ADAMTS17: variants seen among roughly 807,000 people sequenced by gnomAD.
ADAMTS17 encodes the protein A disintegrin and metalloproteinase with thrombospondin motifs 17.
ADAMTS17 carries 113 observed loss-of-function variants against 141.5 expected under a neutral mutation model. The observed-to-expected ratio is 0.80, with a 90% CI of 0.69 to 0.93. The LOEUF (loss-of-function observed/expected upper bound fraction) is 0.93, where lower values mean the gene tolerates loss of function less well. Ranked by LOEUF, ADAMTS17 falls within the 40% of genes least tolerant of loss-of-function variation. The pLI is 0.00. For missense variants in ADAMTS17, 1,659 were observed against 1,517.9 expected, an observed-to-expected ratio of 1.09 and a Z score of -1.54; for synonymous variants, 768 against 630.6, an observed-to-expected ratio of 1.22 and a Z score of -3.27.
intron 4 of ADAMTS17, among the ~76,000 whole-genome samples, chr15:100,280,768 T>C (rs2044252212): frequency 6.6e-6 from 1 of 152,188 alleles, no homozygotes; most frequent in African/African-American, 2.4e-5. Context: ...AAATCGGACA[T>C]AGACAGACGT....
chr15:100,280,881 A>G (rs2044257546), intron 4 of ADAMTS17, among the ~76,000 whole-genome samples: 2 of 152,112 alleles, frequency 1.3e-5, no homozygotes, highest in South Asian at 4.1e-4. Flanking sequence ...TCCCCCCGCT[A>G]GACTATGGAC....
At chr15:100,207,555 T>G (rs1472461700) in intron 7 of ADAMTS17, among the ~76,000 whole-genome samples, 1 of 152,198 alleles carries the variant, frequency 6.6e-6, no homozygotes, top group Non-Finnish European at 1.5e-5. Flanking sequence ...GGCCTTGATG[T>G]TCACGACATG....
At position 100,332,511 on chromosome 15, in the gene ADAMTS17, C is replaced by G. The variant is rs537911732; in HGVS notation, c.451-1457G>C. Among the ~76,000 whole-genome samples, 192 of 152,368 alleles carry G rather than the reference C, an allele frequency of 1.3e-3. 1 individual carries two copies. Among genetic ancestry groups the G allele is most frequent in the Non-Finnish European group, 2.1e-3 (141 of 68,036 alleles). On this transcript the variant is annotated intron_variant, in intron 2 of 21. Coordinates refer to ENST00000268070, the MANE Select transcript of ADAMTS17 (RefSeq NM_139057.4). ...CTGCACTCATTTGGAAACACCCTGG[C>G]TGTGGGTCAAAGCCCCCCCAGGATC...
intron 3 of ADAMTS17, among the ~76,000 whole-genome samples, chr15:100,313,571 A>C (rs568423313): frequency 1.3e-5 from 2 of 152,318 alleles, no homozygotes; most frequent in East Asian, 3.9e-4. Flanking sequence ...GTAAAATAAG[A>C]ATCTACAACT....
intron 15 of ADAMTS17, among the ~76,000 whole-genome samples, chr15:100,069,386 C>T (rs4261519): frequency 0.067 from 10,209 of 152,172 alleles, 478 homozygotes; most frequent in South Asian, 0.12. Context: ...TCAGGAAATA[C>T]AGAGAAATCC....
chr15:100,159,730 T>A (rs561347786), intron 8 of ADAMTS17, among the ~76,000 whole-genome samples: 1 of 152,334 alleles, frequency 6.6e-6, no homozygotes, highest in African/African-American at 2.4e-5. Flanking sequence ...TGTCTCTTCA[T>A]AAGGGTCACA....
chr15:100,052,235 C>G (rs1567091357), intron 16 of ADAMTS17, among the ~76,000 whole-genome samples: 1 of 151,866 alleles, frequency 6.6e-6, no homozygotes, highest in Non-Finnish European at 1.5e-5. Flanking sequence ...TCAGTTGGTC[C>G]AGAGTCAGGA....
chr15:100,007,927 T>G (rs1002574611), intron 18 of ADAMTS17, among the ~76,000 whole-genome samples: 1 of 149,610 alleles, frequency 6.7e-6, no homozygotes, highest in South Asian at 2.2e-4. Flanking sequence ...GCTTGGGGAG[T>G]GCAAGCACCT....
intron 12 of ADAMTS17, among the ~76,000 whole-genome samples, chr15:100,128,065 A>C (rs903554913): frequency 1.3e-5 from 2 of 152,098 alleles, no homozygotes; most frequent in African/African-American, 4.8e-5. Context: ...ATAAGAGGAA[A>C]CTGCATGGAC....
intron 3 of ADAMTS17, among the ~76,000 whole-genome samples, chr15:100,329,217 T>A (rs1256777175): frequency 6.6e-6 from 1 of 151,860 alleles, no homozygotes; most frequent in African/African-American, 2.4e-5. Flanking sequence ...CAGAACTAGG[T>A]AGGGTCAGGG....
chr15:100,042,767 C>T (rs77700959), intron 18 of ADAMTS17, among the ~76,000 whole-genome samples: 3,355 of 152,216 alleles, frequency 0.022, 77 homozygotes, highest in Non-Finnish European at 0.033. Flanking sequence ...CAGGACAGAG[C>T]GGGATGGTGT....
At chr15:100,156,079 A>T (rs1180635681) in intron 8 of ADAMTS17, among the ~76,000 whole-genome samples, 1 of 152,244 alleles carries the variant, frequency 6.6e-6, no homozygotes, top group African/African-American at 2.4e-5. Context: ...AACAAAAAAG[A>T]ACATGTACTT....
At chr15:100,310,141 G>A (rs887663085) in intron 3 of ADAMTS17, among the ~76,000 whole-genome samples, 5 of 152,102 alleles carry the variant, frequency 3.3e-5, no homozygotes, top group African/African-American at 9.7e-5. Flanking sequence ...CGGATGTGCC[G>A]CTGAACACTC....
intron 7 of ADAMTS17, among the ~76,000 whole-genome samples, chr15:100,206,178 G>A (rs974727333): frequency 2.0e-5 from 3 of 152,132 alleles, no homozygotes; most frequent in Admixed American, 6.5e-5. Flanking sequence ...GAGACCTCTG[G>A]GCCTCTGCAT....
chr15:100,177,975 C>T (rs138486171), intron 8 of ADAMTS17, among the ~76,000 whole-genome samples: 3 of 151,216 alleles, frequency 2.0e-5, no homozygotes, highest in South Asian at 2.1e-4. Context: ...ATTAATATAG[C>T]GATTCCTGTT....
chr15:100,310,764 C>T (rs754469215), intron 3 of ADAMTS17, among the ~76,000 whole-genome samples: 2 of 152,208 alleles, frequency 1.3e-5, no homozygotes, highest in African/African-American at 2.4e-5. Context: ...TGTCCAGCTC[C>T]ATCCAAACGC....
intron 7 of ADAMTS17, among the ~76,000 whole-genome samples, chr15:100,213,833 G>A (rs899856798): frequency 2.0e-5 from 3 of 152,254 alleles, no homozygotes; most frequent in African/African-American, 7.2e-5. Flanking sequence ...ACTACCAGTA[G>A]AGAAGGGCCA....
At chr15:100,189,698 C>T (rs751642576) in intron 8 of ADAMTS17, among the ~76,000 whole-genome samples, 21 of 152,248 alleles carry the variant, frequency 1.4e-4, no homozygotes, top group Non-Finnish European at 2.2e-4. Context: ...AGCTGCCTCA[C>T]GGCAGGCGTC....
chr15:100,329,247 C>T (rs1225787372), intron 3 of ADAMTS17, among the ~76,000 whole-genome samples: 2 of 152,094 alleles, frequency 1.3e-5, no homozygotes, highest in Admixed American at 6.5e-5. Context: ...AAAAATAGCA[C>T]ACTGCAGGGG....
Sources: gnomAD v4.1 joint callset for allele counts (sites outside exome capture counted in the v4.1 genomes callset) on GRCh38, gnomAD v4.1.1 for gene constraint, MANE v1.5 for transcripts, NCBI Gene and HGNC (gene_info 2026-07-23, HGNC 2026-07-21) for gene names.